Variants in ANKS6 observed in about 807,000 individuals in gnomAD.
ANKS6 encodes ankyrin repeat and sterile alpha motif domain containing 6.
A neutral mutation model predicts 77.9 loss-of-function variants in ANKS6; 47 were observed. That is an observed-to-expected ratio of 0.60 (90% CI 0.48 to 0.77). ANKS6 has a LOEUF of 0.77. ANKS6 is among the 30% of genes least tolerant of loss of function. The pLI is 0.00. For missense variants in ANKS6, 1,150 were observed against 1,159.1 expected (o/e 0.99, Z 0.11); for synonymous variants, 488 against 501.7 (o/e 0.97, Z 0.37).
Position 98,790,165 on chromosome 9 carries a change from G to A in ANKS6, c.801C>T (p.Asp267=), listed in dbSNP as rs763514014. 1 of 1,597,246 alleles carries A rather than the reference G, an allele frequency of 6.3e-7. No individual in the cohort carries two copies. The highest frequency in any genetic ancestry group is 8.6e-7 in the Non-Finnish European group (1 of 1,166,726). The change falls in exon 2 of 15, where the codon GAC becomes GAT. Residue 267 remains aspartate, a synonymous_variant. Coordinates refer to ENST00000353234, the MANE Select transcript of ANKS6 (RefSeq NM_173551.5). Reference sequence around the variant, plus strand: ...AGTCTACAAGGTCCCTGTGCTTGCAGTCCAGTGCAACCTCGAAGGCGGTCT... The same window carrying A: ...AGTCTACAAGGTCCCTGTGCTTGCAATCCAGTGCAACCTCGAAGGCGGTCT... ...LEKTAFEVAL[D]CKHRDLVDYL...
At position 98,796,378 on chromosome 9, in the gene ANKS6, C is replaced by A; in HGVS notation, c.114G>T (p.Glu38Asp). Residue 38 changes from glutamate to aspartate, a missense_variant, in exon 1 of 15, where the codon GAG (glutamate) becomes GAT (aspartate). By Grantham distance (45) the Glu-to-Asp change is conservative. Transcript: ENST00000353234. ...LLEPGAAEPA[E>D]RGAEPEAGAE... ...CGCCCGCCTCCGGCTCCGCGCCGCGCTCGGCTGGCTCCGCCGCCCCCGGCT... is the reference window on the plus strand; with the variant it reads ...CGCCCGCCTCCGGCTCCGCGCCGCGATCGGCTGGCTCCGCCGCCCCCGGCT... The A allele has an allele frequency of 9.8e-7, 1 of 1,019,094 alleles. No individual in the cohort carries two copies. The highest frequency in any genetic ancestry group is 1.2e-6 in the Non-Finnish European group (1 of 853,968). The allele number at this position is 1,019,094 out of a possible 1,614,324, so 63.1% of individuals were successfully genotyped here.
chr9:98,775,888 G>C (rs1000155671), intron 8 of ANKS6, among the ~76,000 whole-genome samples: 1 of 152,134 alleles, frequency 6.6e-6, no homozygotes, highest in African/African-American at 2.4e-5. Flanking sequence ...GTCAGTGTTC[G>C]AGCCATCAAT....
At chr9:98,794,865 C>CCCTCACCTCCCCCCACTG (rs1260709790) in intron 1 of ANKS6, among the ~76,000 whole-genome samples, 1 of 152,130 alleles carries the variant, frequency 6.6e-6, no homozygotes, top group East Asian at 1.9e-4. Context: ...CCCCTCACTG[C>CCCTCACCTCCCCCCACTG]CCTGGGCCTT....
chr9:98,777,731 C>T (rs926363069), intron 7 of ANKS6, among the ~76,000 whole-genome samples: 3 of 152,322 alleles, frequency 2.0e-5, no homozygotes, highest in Non-Finnish European at 4.4e-5. Flanking sequence ...AGTAGCTAAT[C>T]TGGTCATGGG....
chr9:98,769,889 T>C (rs965753892), intron 10 of ANKS6, among the ~76,000 whole-genome samples: 1 of 152,236 alleles, frequency 6.6e-6, no homozygotes, highest in Non-Finnish European at 1.5e-5. Flanking sequence ...TTTATAAATA[T>C]TCATAATCTA....
At chr9:98,795,415 G>A (rs944290676) in intron 1 of ANKS6, among the ~76,000 whole-genome samples, 1 of 152,100 alleles carries the variant, frequency 6.6e-6, no homozygotes, top group African/African-American at 2.4e-5. Context: ...CCCTAGGATA[G>A]CTAGCGTTTC....
At position 98,732,601 on chromosome 9, in the gene ANKS6, G is replaced by T. The variant is rs746455864; in HGVS notation, c.*3918C>A. On this transcript the variant is annotated 3_prime_UTR_variant, in exon 15 of 15. Coordinates refer to ENST00000353234, the MANE Select transcript of ANKS6 (RefSeq NM_173551.5). ...GAAGAAAGAGAGATGAGAGATGAAAGGATTTAAAATGGGCAACCATCTTTG... is the reference window on the plus strand; with the variant it reads ...GAAGAAAGAGAGATGAGAGATGAAATGATTTAAAATGGGCAACCATCTTTG... 9.7e-6 allele frequency: 15 copies of T among 1,550,030 alleles called. No individual in the cohort carries two copies. The highest frequency in any genetic ancestry group is 1.3e-5 in the Non-Finnish European group (15 of 1,146,918).
In ANKS6 at chr9:98,734,700, C is replaced by A; in HGVS notation, c.*1819G>T. 1 of 932,938 alleles carries A rather than the reference C, an allele frequency of 1.1e-6. No individual in the cohort carries two copies. The highest frequency in any genetic ancestry group is 1.3e-6 in the Non-Finnish European group (1 of 782,406). The allele number at this position is 932,938 out of a possible 1,614,324, so 57.8% of individuals were successfully genotyped here. On this transcript the variant is annotated 3_prime_UTR_variant, in exon 15 of 15. Coordinates refer to ENST00000353234, the MANE Select transcript of ANKS6 (RefSeq NM_173551.5). ...CCTAAGCATCCGTTTCCCGAATGTG[C>A]AAGATGAGGTTACACAATGCCACCT...
intron 5 of ANKS6, among the ~76,000 whole-genome samples, chr9:98,780,983 C>T (rs1372556732): frequency 6.6e-6 from 1 of 151,224 alleles, no homozygotes; most frequent in African/African-American, 2.4e-5. Flanking sequence ...CTCACCGCAA[C>T]CTCCACCTCC....
intron 11 of ANKS6, among the ~76,000 whole-genome samples, chr9:98,766,935 T>C (rs1564198736): frequency 1.3e-5 from 2 of 151,044 alleles, no homozygotes; most frequent in East Asian, 3.9e-4. Flanking sequence ...TGCCTGGACA[T>C]AGAGTCCCCT....
In ANKS6 at chr9:98,780,294, C is replaced by T. The variant is rs1834169823; in HGVS notation, c.1263G>A (p.Val421=). ...GGCTCGGCCGGCCTTTGTCTTTATTCACCTGCATGCAGACAGATGCCAGCA... is the reference window on the plus strand; with the variant it reads ...GGCTCGGCCGGCCTTTGTCTTTATTTACCTGCATGCAGACAGATGCCAGCA... ...VRLLASVCMQ[V]NKDKGRPSHQ... Residue 421 remains valine, a synonymous_variant, in exon 6 of 15, where the codon GTG becomes GTA. Transcript: ENST00000353234. 4 of 1,608,832 alleles carry T rather than the reference C, an allele frequency of 2.5e-6. No homozygotes were observed. Among genetic ancestry groups the T allele is most frequent in the South Asian group, 2.2e-5 (2 of 89,938 alleles).
Position 98,756,535 on chromosome 9 carries a change from G to A in ANKS6, c.2211C>T (p.Leu737=), listed in dbSNP as rs777577226. The change falls in exon 12 of 15, where the codon CTC becomes CTT. Residue 737 remains leucine, a synonymous_variant. Coordinates refer to ENST00000353234, the MANE Select transcript of ANKS6 (RefSeq NM_173551.5). ...STTSKSTSPT[L]TPSPSPKGHT... is the part of the protein sequence containing the mutation. Reference sequence around the variant, plus strand: ...GCCCTTTGGGTGAGGGGGAGGGCGTGAGGGTTGGAGAGGTGCTCTTGGAGG... The same window carrying A: ...GCCCTTTGGGTGAGGGGGAGGGCGTAAGGGTTGGAGAGGTGCTCTTGGAGG... The A allele has an allele frequency of 4.4e-6, 7 of 1,590,506 alleles. No homozygotes were observed. Among genetic ancestry groups the A allele is most frequent in the African/African-American group, 4.1e-5 (3 of 73,500 alleles).
chr9:98,743,849 A>G (rs1831974586), intron 14 of ANKS6, among the ~76,000 whole-genome samples: 1 of 152,228 alleles, frequency 6.6e-6, no homozygotes, highest in South Asian at 2.1e-4. Flanking sequence ...GCTCTTCTTC[A>G]TGAATAAATC....
Position 98,736,240 on chromosome 9 carries a change from G to T in ANKS6, c.*279C>A. On this transcript the variant is annotated 3_prime_UTR_variant, in exon 15 of 15. Transcript: ENST00000353234. ...AGGCTCCCGGGGAGGGCAGAGCACAGGATGAAAGGAGCTGAGTCCCTGCAT... is the reference window on the plus strand; with the variant it reads ...AGGCTCCCGGGGAGGGCAGAGCACATGATGAAAGGAGCTGAGTCCCTGCAT... The T allele has an allele frequency of 7.9e-7, 1 of 1,260,802 alleles. No homozygotes were observed. The allele number at this position is 1,260,802 out of a possible 1,614,324, so 78.1% of individuals were successfully genotyped here. A position where few individuals can be genotyped will look rare whatever the true frequency, so the allele number is the denominator to read the frequency against.
intron 5 of ANKS6, among the ~76,000 whole-genome samples, chr9:98,782,229 C>G (rs549357673): frequency 6.6e-6 from 1 of 152,198 alleles, no homozygotes; most frequent in East Asian, 1.9e-4. Flanking sequence ...TCTCTAGAGA[C>G]TCCTAGGAGG....
In ANKS6 at chr9:98,790,569, G is replaced by A; in HGVS notation, c.397C>T (p.His133Tyr). ...TTCTGGGCATTGACATCAGCCCCGT[G>A]ATCCAACAGGAGGTGTGCCACACTC... is the stretch of plus-strand genomic sequence containing the variant. ...HVSVAHLLLD[H>Y]GADVNAQNRL... The change falls in exon 2 of 15, where the codon CAC (histidine) becomes TAC (tyrosine). Residue 133 changes from histidine (H) to tyrosine (Y), a missense_variant. By Grantham distance (83) the His-to-Tyr change is moderately conservative (BLOSUM62 2). Transcript: ENST00000353234. 1 of 1,609,776 alleles carries A rather than the reference G, an allele frequency of 6.2e-7. No homozygotes were observed. Among genetic ancestry groups the A allele is most frequent in the Non-Finnish European group, 8.5e-7 (1 of 1,176,756 alleles).
chr9:98,795,008 C>T (rs1835096934), intron 1 of ANKS6, among the ~76,000 whole-genome samples: 1 of 152,146 alleles, frequency 6.6e-6, no homozygotes, highest in South Asian at 2.1e-4. Context: ...GATGCTACCA[C>T]AGAGGCCTTT....
At chr9:98,769,163 A>G (rs1387481195) in intron 10 of ANKS6, among the ~76,000 whole-genome samples, 1 of 151,922 alleles carries the variant, frequency 6.6e-6, no homozygotes, top group Non-Finnish European at 1.5e-5. Flanking sequence ...AAGAAAAGAA[A>G]ACAGTGATAA....
At chr9:98,756,378 G>C (rs531883076) in intron 12 of ANKS6, 42 bp downstream of exon 12, 40 of 1,591,948 alleles carry the variant, frequency 2.5e-5, no homozygotes, top group Non-Finnish European at 3.2e-5. Flanking sequence ...GGTCATCATG[G>C]TGAGAGGAAT....
Sources: gnomAD v4.1 joint callset for allele counts (sites outside exome capture counted in the v4.1 genomes callset) on GRCh38, gnomAD v4.1.1 for gene constraint, MANE v1.5 for transcripts, NCBI Gene and HGNC (gene_info 2026-07-23, HGNC 2026-07-21) for gene names.